PXK: variants seen among roughly 807,000 people sequenced by gnomAD.
The protein encoded by PXK is PX domain containing serine/threonine kinase like.
PXK carries 35 observed loss-of-function variants against 84.7 expected under a neutral mutation model. The ratio of observed to expected loss-of-function variants is 0.41; its 90% CI spans 0.32 to 0.55. The LOEUF (loss-of-function observed/expected upper bound fraction) is 0.55, where lower values mean the gene tolerates loss of function less well. PXK is among the 20% of genes least tolerant of loss of function. The pLI, the probability that PXK is intolerant of heterozygous loss-of-function variation, is 0.21. For synonymous variants in PXK, 253 were observed against 260.8 expected (o/e 0.97, Z 0.29); for missense variants, 634 against 699.7 (o/e 0.91, Z 1.06).
intron 1 of PXK, among the ~76,000 whole-genome samples, chr3:58,363,227 A>G (rs1438693545): frequency 6.6e-6 from 1 of 152,022 alleles, no homozygotes; most frequent in African/African-American, 2.4e-5. Context: ...TTTTTTGAGT[A>G]ATTGTAAATG....
In PXK at chr3:58,407,563, T is replaced by C. The variant is rs2059582183; in HGVS notation, c.1231-1361T>C. On this transcript the variant is annotated intron_variant, in intron 13 of 17. Transcript: ENST00000356151. This position sits in a 1 kb window ranked among gnomAD's most constrained non-coding sequence, Gnocchi z 4.3. Reference sequence around the variant, plus strand: ...TATTTATTTATTTATTTATTTATTTTTCTTTTTTTCTTTTGGAGACAGGGG... The same window carrying C: ...TATTTATTTATTTATTTATTTATTTCTCTTTTTTTCTTTTGGAGACAGGGG... Among the ~76,000 whole-genome samples the C allele has an allele frequency of 6.6e-6, 1 of 151,988 alleles. No individual in the cohort carries two copies. Among genetic ancestry groups the C allele is most frequent in the Non-Finnish European group, 1.5e-5 (1 of 68,000 alleles).
At chr3:58,342,828 T>C (rs2097761264) in intron 1 of PXK, among the ~76,000 whole-genome samples, 1 of 152,108 alleles carries the variant, frequency 6.6e-6, no homozygotes, top group South Asian at 2.1e-4. Flanking sequence ...TGAAAACAAA[T>C]TGCTTTGGGT....
chr3:58,384,517 G>T (rs1232463702), intron 4 of PXK, among the ~76,000 whole-genome samples: 1 of 152,128 alleles, frequency 6.6e-6, no homozygotes, highest in African/African-American at 2.4e-5. Flanking sequence ...AGAAAAGATA[G>T]CACAGATAGG....
intron 17 of PXK, chr3:58,422,398 C>T (rs2062030882): frequency 6.1e-6 from 6 of 985,418 alleles, no homozygotes; most frequent in Non-Finnish European, 7.2e-6. Context: ...CATCAAGCCC[C>T]ACCGGACTGC....
At chr3:58,341,294 G>T (rs1260572620) in intron 1 of PXK, among the ~76,000 whole-genome samples, 1 of 152,164 alleles carries the variant, frequency 6.6e-6, no homozygotes, top group Non-Finnish European at 1.5e-5. Flanking sequence ...AGGCATGGTG[G>T]CTCATGCCTG....
At chr3:58,338,779 G>A (rs2097672308) in intron 1 of PXK, among the ~76,000 whole-genome samples, 3 of 150,846 alleles carry the variant, frequency 2.0e-5, no homozygotes, top group South Asian at 2.1e-4. Context: ...TCTGCCTCCC[G>A]GGTTCAAGCA....
At chr3:58,424,629 T>C in intron 17 of PXK, 123 bp from the exon 18 acceptor site, 1 of 1,336,022 alleles carries the variant, frequency 7.5e-7, no homozygotes, top group African/African-American at 1.5e-5. Flanking sequence ...GTACTAGGTA[T>C]GTTGGTCCCT....
At chr3:58,378,978 A>G (rs893300253) in intron 3 of PXK, among the ~76,000 whole-genome samples, 1 of 151,904 alleles carries the variant, frequency 6.6e-6, no homozygotes, top group Non-Finnish European at 1.5e-5. Context: ...GCTGGAGGGC[A>G]GTGGTGCAAT....
At chr3:58,424,159 T>C (rs1453936287) in intron 17 of PXK, among the ~76,000 whole-genome samples, 1 of 152,226 alleles carries the variant, frequency 6.6e-6, no homozygotes, top group Non-Finnish European at 1.5e-5. Flanking sequence ...TAGGAAATTA[T>C]TATTCGAGAC....
In PXK at chr3:58,419,843, A is replaced by C. The variant is rs1262131453; in HGVS notation, c.1529-4909A>C. Among the ~76,000 whole-genome samples, 3 of 152,208 alleles carry C rather than the reference A, an allele frequency of 2.0e-5. No homozygotes were observed. The East Asian group carries it at 5.8e-4, about 29-fold the overall frequency. ...ATCCTTCACATTTAGCTGGGGATCT[A>C]GTCAGTTTAAAAGAAGACAAGAAAA... On this transcript the variant is annotated intron_variant, in intron 17 of 17. Coordinates refer to ENST00000356151, the MANE Select transcript of PXK (RefSeq NM_017771.5).
rs1239082247 is a variant in PXK, at chr3:58,401,541, G to A, written c.1181+2164G>A. Among the ~76,000 whole-genome samples the A allele has an allele frequency of 6.6e-6, 1 of 152,106 alleles. No homozygotes were observed. Among genetic ancestry groups the A allele is most frequent in the East Asian group, 1.9e-4 (1 of 5,194 alleles). ...CTTGGAAGGCTGAGGTGGTAGAATC[G>A]CTTGAGCCTAGGAATTTGAGGTTGC... On this transcript the variant is annotated intron_variant, in intron 12 of 17. Coordinates refer to ENST00000356151, the MANE Select transcript of PXK (RefSeq NM_017771.5). The surrounding 1 kb of genome is among the most constrained non-coding windows in gnomAD (Gnocchi z 4.4).
At chr3:58,342,188 G>C (rs1175343987) in intron 1 of PXK, among the ~76,000 whole-genome samples, 1 of 152,072 alleles carries the variant, frequency 6.6e-6, no homozygotes, top group Non-Finnish European at 1.5e-5. Context: ...CTAAGCACAA[G>C]TTCTTTAGCT....
At chr3:58,402,726 C>G (rs55668308) in intron 12 of PXK, among the ~76,000 whole-genome samples, 2 of 150,796 alleles carry the variant, frequency 1.3e-5, no homozygotes, top group South Asian at 2.1e-4. Context: ...CCACTGCACC[C>G]GGCCCATGCT....
At chr3:58,403,547 C>T (rs112476412) in intron 12 of PXK, among the ~76,000 whole-genome samples, 37 of 152,196 alleles carry the variant, frequency 2.4e-4, no homozygotes, top group African/African-American at 5.5e-4. Context: ...ATATTATTTG[C>T]GATATTTTTG....
chr3:58,358,003 AAACCT>A (rs2098120995), intron 1 of PXK, among the ~76,000 whole-genome samples: 2 of 152,274 alleles, frequency 1.3e-5, no homozygotes, highest in South Asian at 4.1e-4. Context: ...CCAAGAAAGA[AAACCT>A]AATCTTACTG....
Position 58,333,132 on chromosome 3 carries a change from CG to C in PXK, c.102+45del. 1 of 1,057,518 alleles carries C rather than the reference CG, an allele frequency of 9.5e-7. No homozygotes were observed. 65.5% of individuals were successfully genotyped at this position (1,057,518 alleles called of 1,614,324 possible). On this transcript the variant is annotated intron_variant, in intron 1 of 17. Coordinates refer to ENST00000356151, the MANE Select transcript of PXK (RefSeq NM_017771.5). This position sits in a 1 kb window ranked among gnomAD's most constrained non-coding sequence, Gnocchi z 5.4. ...GCGGGCGGGCGGCGTGGGGCGGCCC[CG>C]GGCCGCGAGGGGGCTGCGGGCTGCC... is the stretch of plus-strand genomic sequence containing the variant.
chr3:58,365,517 G>C (rs1394255623), intron 1 of PXK, among the ~76,000 whole-genome samples: 2 of 152,182 alleles, frequency 1.3e-5, no homozygotes, highest in Non-Finnish European at 2.9e-5. Flanking sequence ...GTATTGTTAA[G>C]TTCTTCTATA....
chr3:58,392,191 T>A (rs1213861055), intron 7 of PXK, among the ~76,000 whole-genome samples: 5 of 63,766 alleles, frequency 7.8e-5, no homozygotes, highest in African/African-American at 2.3e-4. Flanking sequence ...AAAACAGAAC[T>A]AATGAGGAAT....
At chr3:58,380,764 G>T (rs1358147103) in intron 3 of PXK, among the ~76,000 whole-genome samples, 5 of 151,902 alleles carry the variant, frequency 3.3e-5, no homozygotes, top group African/African-American at 1.2e-4. Context: ...ACTCCAGCCT[G>T]GGTGACAGAG....
Sources: gnomAD v4.1 joint callset for allele counts (sites outside exome capture counted in the v4.1 genomes callset) on GRCh38, gnomAD v4.1.1 for gene constraint, Gnocchi (gnomAD v3.1) non-coding constraint, MANE v1.5 for transcripts, NCBI Gene and HGNC (gene_info 2026-07-23, HGNC 2026-07-21) for gene names.